Variants in ZZZ3 observed in about 807,000 individuals in gnomAD.
The protein encoded by ZZZ3 is ZZ-type zinc finger-containing protein 3.
ZZZ3 carries 22 observed loss-of-function variants against 95.2 expected under a neutral mutation model. The ratio of observed to expected loss-of-function variants is 0.23; its 90% CI spans 0.17 to 0.33. ZZZ3 has a LOEUF of 0.33. ZZZ3 is among the 10% of genes least tolerant of loss of function. ZZZ3 has a pLI of 1.00. For missense variants in ZZZ3, 885 were observed against 1,066.5 expected, an observed-to-expected ratio of 0.83 and a Z score of 2.37; for synonymous variants, 335 against 358.9, an observed-to-expected ratio of 0.93 and a Z score of 0.75.
At chr1:77,573,582 C>A (rs764894291) in intron 12 of ZZZ3, among the ~76,000 whole-genome samples, 1 of 152,138 alleles carries the variant, frequency 6.6e-6, no homozygotes, top group Non-Finnish European at 1.5e-5. Context: ...ATAAATATTT[C>A]TCAGATGTAC....
At chr1:77,667,344 C>A (rs1305248329) in intron 1 of ZZZ3, among the ~76,000 whole-genome samples, 1 of 152,134 alleles carries the variant, frequency 6.6e-6, no homozygotes, top group Non-Finnish European at 1.5e-5. Flanking sequence ...ATGTAACATA[C>A]CAAGGAATAA....
At chr1:77,629,094 C>T (rs1389789) in intron 5 of ZZZ3, among the ~76,000 whole-genome samples, 87,962 of 151,860 alleles carry the variant, frequency 0.58, 27,743 homozygotes, top group Non-Finnish European at 0.71. Context: ...CTACTTTTAG[C>T]GATGGCAACT....
At chr1:77,617,665 G>T (rs557247963) in intron 5 of ZZZ3, among the ~76,000 whole-genome samples, 5 of 151,866 alleles carry the variant, frequency 3.3e-5, no homozygotes, top group African/African-American at 9.7e-5. Context: ...TGAGCCAGAC[G>T]TGGTGGCTCA....
intron 5 of ZZZ3, among the ~76,000 whole-genome samples, chr1:77,619,457 C>T (rs1666637256): frequency 6.6e-6 from 1 of 152,104 alleles, no homozygotes; most frequent in East Asian, 1.9e-4. Flanking sequence ...AAGGCAAGGA[C>T]ACACATTTTC....
intron 4 of ZZZ3, among the ~76,000 whole-genome samples, chr1:77,638,302 C>T (rs759151642): frequency 4.6e-5 from 7 of 152,154 alleles, no homozygotes; most frequent in Non-Finnish European, 8.8e-5. Flanking sequence ...GAATTGCCCT[C>T]TCATAAATTT....
chr1:77,633,547 A>C, intron 4 of ZZZ3, 142 bp from the exon 5 acceptor site: 1 of 508,402 alleles, frequency 2.0e-6, no homozygotes, highest in Non-Finnish European at 3.3e-6. Context: ...ATATTAAATT[A>C]TGTGATAAAA....
At chr1:77,654,439 C>G (rs1670088681) in intron 1 of ZZZ3, among the ~76,000 whole-genome samples, 1 of 152,034 alleles carries the variant, frequency 6.6e-6, no homozygotes, top group African/African-American at 2.4e-5. Context: ...AACTACAAAC[C>G]TATATTCCTC....
At chr1:77,624,418 G>A (rs1424787125) in intron 5 of ZZZ3, among the ~76,000 whole-genome samples, 1 of 152,138 alleles carries the variant, frequency 6.6e-6, no homozygotes, top group Non-Finnish European at 1.5e-5. Flanking sequence ...CTCTGGGGAG[G>A]TTAGAAGAGC....
At chr1:77,657,646 C>A (rs1413111685) in intron 1 of ZZZ3, among the ~76,000 whole-genome samples, 3 of 152,176 alleles carry the variant, frequency 2.0e-5, no homozygotes, top group Non-Finnish European at 2.9e-5. Context: ...AATGAGTTCA[C>A]AAACGTGGAA....
chr1:77,630,100 T>C (rs1417376208), intron 5 of ZZZ3, among the ~76,000 whole-genome samples: 1 of 152,168 alleles, frequency 6.6e-6, no homozygotes, highest in African/African-American at 2.4e-5. Context: ...TTTATAAAAA[T>C]TCACATTTCT....
intron 1 of ZZZ3, among the ~76,000 whole-genome samples, chr1:77,661,837 G>A (rs1265770371): frequency 6.6e-6 from 1 of 152,028 alleles, no homozygotes; most frequent in Non-Finnish European, 1.5e-5. Context: ...TTGTTTTCCA[G>A]ACGAGGTCTT....
chr1:77,651,015 C>A lies in ZZZ3; in HGVS notation c.-402-9360G>T, dbSNP rs765121575. On this transcript the variant is annotated intron_variant, in intron 1 of 14. Coordinates refer to ENST00000370801, the MANE Select transcript of ZZZ3 (RefSeq NM_015534.6). ...TGGATATCCACCTACAAAAGAATGA[C>A]ATTGAACCCCTACCTCACACCATAT... 6.6e-5 allele frequency among the ~76,000 whole-genome samples: 10 copies of A among 152,122 alleles called. 1 individual carries two copies. Among genetic ancestry groups the A allele is most frequent in the Non-Finnish European group, 1.3e-4 (9 of 68,004 alleles).
chr1:77,596,192 A>G (rs1033383522), intron 5 of ZZZ3, among the ~76,000 whole-genome samples: 1 of 152,154 alleles, frequency 6.6e-6, no homozygotes, highest in African/African-American at 2.4e-5. Flanking sequence ...GACTTTAATC[A>G]AAGTTATTCT....
chr1:77,609,850 A>G (rs995014125), intron 5 of ZZZ3, among the ~76,000 whole-genome samples: 6 of 152,114 alleles, frequency 3.9e-5, no homozygotes, highest in African/African-American at 1.4e-4. Context: ...ATGATAATGA[A>G]AACACAACAT....
chr1:77,624,744 G>A (rs982043055), intron 5 of ZZZ3, among the ~76,000 whole-genome samples: 2 of 152,150 alleles, frequency 1.3e-5, no homozygotes, highest in African/African-American at 2.4e-5. Flanking sequence ...CTGAGGAGGG[G>A]GTGGTGGGAC....
intron 5 of ZZZ3, among the ~76,000 whole-genome samples, chr1:77,620,788 T>C (rs540419327): frequency 2.0e-5 from 3 of 152,284 alleles, no homozygotes; most frequent in East Asian, 1.9e-4. Flanking sequence ...AAGCTGGTGA[T>C]AGGCATTTCA....
chr1:77,651,368 G>A (rs898792173), intron 1 of ZZZ3, among the ~76,000 whole-genome samples: 1 of 152,124 alleles, frequency 6.6e-6, no homozygotes, highest in African/African-American at 2.4e-5. Context: ...GACAGAGAGA[G>A]AGAATCTGTC....
At chr1:77,613,302 AATTTGTTTTC>A (rs1283363793) in intron 5 of ZZZ3, among the ~76,000 whole-genome samples, 1 of 152,026 alleles carries the variant, frequency 6.6e-6, no homozygotes, top group African/African-American at 2.4e-5. Context: ...CTGAAAGAGA[AATTTGTTTTC>A]ATTTGCATTT....
In ZZZ3 at chr1:77,632,501, G is replaced by C; in HGVS notation, c.854C>G (p.Ala285Gly). ...ATTAACATGTTCCACAGGCAAGCAG[G>C]CAGTTACTATTTTGTGGTCCTCCAA... ...VKLEDHKIVT[A>G]CLPVEHVNQL... The change falls in exon 5 of 15, where the codon GCC becomes GGC. Residue 285 changes from alanine to glycine, a missense_variant. Ala to Gly is a moderately conservative substitution (Grantham distance 60). Transcript: ENST00000370801. 6.2e-7 allele frequency: 1 copy of C among 1,614,164 alleles called. No individual in the cohort carries two copies. The highest frequency in any genetic ancestry group is 8.5e-7 in the Non-Finnish European group (1 of 1,180,022).
Sources: gnomAD v4.1 joint callset for allele counts (sites outside exome capture counted in the v4.1 genomes callset) on GRCh38, gnomAD v4.1.1 for gene constraint, MANE v1.5 for transcripts, NCBI Gene and HGNC (gene_info 2026-07-23, HGNC 2026-07-21) for gene names.